Variants in PGCKA1 observed in about 807,000 individuals in gnomAD.
The protein encoded by PGCKA1 is PDCD10 and GCKIII kinases-associated protein 1.
the PGCKA1 span, among the ~76,000 whole-genome samples, chr4:37,462,869 G>A: frequency 6.7e-6 from 1 of 150,116 alleles, no homozygotes; most frequent in Non-Finnish European, 1.5e-5. Context: ...GGTGGCAGGT[G>A]CCTGTAGTCC....
chr4:37,558,335 A>C, the PGCKA1 span, among the ~76,000 whole-genome samples: 1 of 152,114 alleles, frequency 6.6e-6, no homozygotes, highest in African/African-American at 2.4e-5. Context: ...AAGTCTCCAC[A>C]CTGAAAAGAT....
the PGCKA1 span, among the ~76,000 whole-genome samples, chr4:37,467,813 C>G: frequency 0.021 from 3,214 of 152,266 alleles, 100 homozygotes; most frequent in African/African-American, 0.062. Flanking sequence ...AGTCAGTGTC[C>G]AGTATCACGT....
At chr4:37,584,048 C>A in the PGCKA1 span, among the ~76,000 whole-genome samples, 20,524 of 152,158 alleles carry the variant, frequency 0.13, 2,415 homozygotes, top group East Asian at 0.64. Flanking sequence ...CGGAGCATTT[C>A]CTTGTTGCCC....
chr4:37,566,618 C>T, the PGCKA1 span, among the ~76,000 whole-genome samples: 6 of 151,908 alleles, frequency 3.9e-5, no homozygotes, highest in Non-Finnish European at 8.8e-5. Context: ...GAGCCTTGCT[C>T]CATTGGCCAG....
the PGCKA1 span, among the ~76,000 whole-genome samples, chr4:37,496,604 A>G: frequency 6.6e-6 from 1 of 152,210 alleles, no homozygotes; most frequent in Admixed American, 6.5e-5. Flanking sequence ...TGGGTTCCAC[A>G]TGAATTTTAA....
the PGCKA1 span, among the ~76,000 whole-genome samples, chr4:37,559,851 T>C: frequency 6.6e-6 from 1 of 152,214 alleles, no homozygotes. Flanking sequence ...GGAACCAGCC[T>C]GGTCCCCTCA....
chr4:37,517,183 G>A, the PGCKA1 span, among the ~76,000 whole-genome samples: 8 of 151,396 alleles, frequency 5.3e-5, no homozygotes, highest in Admixed American at 2.0e-4. Flanking sequence ...CCCGGGAGGC[G>A]GAGGTTGCAG....
chr4:37,530,089 T>G, the PGCKA1 span, among the ~76,000 whole-genome samples: 1 of 152,240 alleles, frequency 6.6e-6, no homozygotes, highest in African/African-American at 2.4e-5. Flanking sequence ...ACTTTTTATC[T>G]TCCATCTAAA....
chr4:37,539,007 G>A, the PGCKA1 span, among the ~76,000 whole-genome samples: 3 of 152,160 alleles, frequency 2.0e-5, no homozygotes, highest in Non-Finnish European at 2.9e-5. Context: ...GATAATCTAT[G>A]CATACCCTAA....
the PGCKA1 span, among the ~76,000 whole-genome samples, chr4:37,510,043 A>T: frequency 1.3e-5 from 2 of 152,090 alleles, no homozygotes; most frequent in Non-Finnish European, 2.9e-5. Context: ...AAGCTACAGA[A>T]TTTCCACTTG....
chr4:37,475,872 T>C, the PGCKA1 span, among the ~76,000 whole-genome samples: 2 of 151,970 alleles, frequency 1.3e-5, no homozygotes, highest in Non-Finnish European at 2.9e-5. Context: ...TTCAAAATAA[T>C]TTTTATTTTT....
the PGCKA1 span, among the ~76,000 whole-genome samples, chr4:37,506,211 G>C: frequency 6.6e-6 from 1 of 151,790 alleles, no homozygotes; most frequent in Non-Finnish European, 1.5e-5. Flanking sequence ...TGTCGATTTT[G>C]TTTAAATTTT....
At chr4:37,590,593 G>C in the PGCKA1 span, 1 of 1,614,152 alleles carries the variant, frequency 6.2e-7, no homozygotes, top group East Asian at 2.2e-5. Context: ...ACAAGACCAT[G>C]TCTTCCAGAT....
At chr4:37,549,550 G>A in the PGCKA1 span, among the ~76,000 whole-genome samples, 1 of 152,192 alleles carries the variant, frequency 6.6e-6, no homozygotes, top group Non-Finnish European at 1.5e-5. Context: ...CCATGCTGTG[G>A]TGACTTTAAT....
At chr4:37,456,912 T>C in the PGCKA1 span, among the ~76,000 whole-genome samples, 1 of 152,248 alleles carries the variant, frequency 6.6e-6, no homozygotes, top group African/African-American at 2.4e-5. Context: ...GAAGCACTGG[T>C]ATTTAAGATT....
the PGCKA1 span, among the ~76,000 whole-genome samples, chr4:37,575,264 T>G: frequency 6.6e-6 from 1 of 152,188 alleles, no homozygotes; most frequent in African/African-American, 2.4e-5. Context: ...TATTTGTTGT[T>G]GCGCATCTTT....
chr4:37,473,295 A>G, the PGCKA1 span, among the ~76,000 whole-genome samples: 1 of 152,310 alleles, frequency 6.6e-6, no homozygotes, highest in East Asian at 1.9e-4. Context: ...TTTGGGGAAA[A>G]GTCTTTAATA....
At chr4:37,529,146 A>G in the PGCKA1 span, among the ~76,000 whole-genome samples, 2 of 152,226 alleles carry the variant, frequency 1.3e-5, no homozygotes, top group African/African-American at 4.8e-5. Context: ...TCAAATCTCT[A>G]AATGGAATTA....
At chr4:37,474,900 G>A in the PGCKA1 span, among the ~76,000 whole-genome samples, 1 of 152,012 alleles carries the variant, frequency 6.6e-6, no homozygotes, top group African/African-American at 2.4e-5. Context: ...AAGATCAAGT[G>A]GCATGTATGC....
Sources: allele counts gnomAD v4.1 joint callset (sites outside exome capture counted in the v4.1 genomes callset), GRCh38; gene constraint gnomAD v4.1.1; transcripts MANE v1.5; gene names NCBI Gene and HGNC (gene_info 2026-07-23, HGNC 2026-07-21).